Variants in ASIC2 observed in about 807,000 individuals in gnomAD.
ASIC2 encodes acid-sensing ion channel 2.
A neutral mutation model predicts 57.3 loss-of-function variants in ASIC2; 25 were observed. The ratio of observed to expected loss-of-function variants is 0.44; its 90% CI spans 0.32 to 0.61. The LOEUF (loss-of-function observed/expected upper bound fraction) is 0.61. Among genes scored for constraint, ASIC2 ranks in the 20% least tolerant of loss-of-function variants. The probability of loss-of-function intolerance (pLI) is 0.06; values close to 1 mark genes in which losing one functional copy is unlikely to be tolerated. For missense variants in ASIC2, 641 were observed against 738.1 expected (o/e 0.87, Z 1.52); for synonymous variants, 319 against 307.5 (o/e 1.04, Z -0.39).
intron 1 of ASIC2, among the ~76,000 whole-genome samples, chr17:33,127,045 A>T (rs2092326304): frequency 6.7e-6 from 1 of 149,104 alleles, no homozygotes; most frequent in African/African-American, 2.5e-5. Context: ...TTTTTTTTGT[A>T]TTTTTAGTAG....
intron 1 of ASIC2, among the ~76,000 whole-genome samples, chr17:33,929,602 C>T (rs1275507719): frequency 6.6e-6 from 1 of 152,158 alleles, no homozygotes; most frequent in Non-Finnish European, 1.5e-5. Flanking sequence ...GCAGGGTCAG[C>T]CCAGTATTCT....
chr17:33,026,021 G>A (rs1238425035), intron 4 of ASIC2, 39 bp from the exon 5 acceptor site: 2 of 1,605,126 alleles, frequency 1.2e-6, no homozygotes, highest in Non-Finnish European at 8.5e-7. Flanking sequence ...ACTCAGGCAG[G>A]AACATTCATG....
intron 1 of ASIC2, chr17:34,038,936 G>C (rs967750182): frequency 6.8e-6 from 11 of 1,612,586 alleles, no homozygotes; most frequent in East Asian, 6.7e-5. Context: ...ATAACCATCT[G>C]TCCACTGCTC....
chr17:34,039,667 G>C, intron 1 of ASIC2: 2 of 1,612,522 alleles, frequency 1.2e-6, no homozygotes, highest in Non-Finnish European at 1.7e-6. Flanking sequence ...ACTTTCATAT[G>C]GTTCAGCTTT....
chr17:33,529,242 A>G (rs1345621260), intron 1 of ASIC2, among the ~76,000 whole-genome samples: 1 of 152,232 alleles, frequency 6.6e-6, no homozygotes, highest in East Asian at 1.9e-4. Context: ...AGCTTTTAAA[A>G]TACAGTGATG....
chr17:33,521,245 G>A (rs1597763016), intron 1 of ASIC2, among the ~76,000 whole-genome samples: 1 of 152,122 alleles, frequency 6.6e-6, no homozygotes, highest in Admixed American at 6.5e-5. Context: ...CAACACTGTC[G>A]TCGGCCAAGG....
intron 1 of ASIC2, among the ~76,000 whole-genome samples, chr17:33,164,726 A>T (rs1905259751): frequency 6.6e-6 from 1 of 152,202 alleles, no homozygotes; most frequent in South Asian, 2.1e-4. Context: ...CTTGTCAAGA[A>T]TTCCTTGGAG....
intron 1 of ASIC2, among the ~76,000 whole-genome samples, chr17:33,831,596 A>C (rs1236836242): frequency 6.6e-6 from 1 of 152,176 alleles, no homozygotes; most frequent in Non-Finnish European, 1.5e-5. Flanking sequence ...AAAAAAAAAA[A>C]AAATAGAGTC....
chr17:33,487,295 C>A (rs1913604861), intron 1 of ASIC2, among the ~76,000 whole-genome samples: 1 of 152,148 alleles, frequency 6.6e-6, no homozygotes, highest in Non-Finnish European at 1.5e-5. Flanking sequence ...CTGTTATATC[C>A]CAGCAAGGTG....
intron 1 of ASIC2, among the ~76,000 whole-genome samples, chr17:33,444,972 T>C (rs966693649): frequency 2.6e-5 from 4 of 152,242 alleles, no homozygotes; most frequent in Non-Finnish European, 5.9e-5. Flanking sequence ...GCTTTCCTGC[T>C]ACATGGACAG....
Position 33,355,888 on chromosome 17 carries a change from C to T in ASIC2, c.556-243821G>A, listed in dbSNP as rs542529592. Among the ~76,000 whole-genome samples, 56 of 152,210 alleles carry T rather than the reference C, an allele frequency of 3.7e-4. No individual in the cohort carries two copies. The South Asian group carries it at 6.2e-3, about 17-fold the overall frequency. On this transcript the variant is annotated intron_variant, in intron 1 of 9. Transcript: ENST00000359872. ...GCTTAAAGTGTAAGGGGAATTGAGACAGTATAATCAGTACTGAAGTAGGAA... is the reference window on the plus strand; with the variant it reads ...GCTTAAAGTGTAAGGGGAATTGAGATAGTATAATCAGTACTGAAGTAGGAA...
intron 1 of ASIC2, chr17:34,038,539 A>C: frequency 1.2e-6 from 2 of 1,610,510 alleles, no homozygotes; most frequent in South Asian, 2.2e-5. Context: ...CTCTACCCAA[A>C]AGATGTAACA....
intron 1 of ASIC2, among the ~76,000 whole-genome samples, chr17:34,141,876 G>T (rs911539919): frequency 1.3e-5 from 2 of 152,282 alleles, no homozygotes; most frequent in South Asian, 4.1e-4. Context: ...CATTGCTCTG[G>T]GGGGAACAAT....
At chr17:33,083,484 T>A (rs1330443849) in intron 3 of ASIC2, among the ~76,000 whole-genome samples, 1 of 152,246 alleles carries the variant, frequency 6.6e-6, no homozygotes, top group Non-Finnish European at 1.5e-5. Context: ...GAATATTTGC[T>A]GAGGGAATAA....
chr17:33,463,069 T>G (rs1176057214), intron 1 of ASIC2, among the ~76,000 whole-genome samples: 2 of 152,244 alleles, frequency 1.3e-5, no homozygotes, highest in African/African-American at 4.8e-5. Context: ...TGAGATTTTC[T>G]AAGACGCAGT....
chr17:33,781,130 C>G (rs1453023327), intron 1 of ASIC2, among the ~76,000 whole-genome samples: 1 of 152,142 alleles, frequency 6.6e-6, no homozygotes, highest in East Asian at 1.9e-4. Flanking sequence ...GTTCCCTTAT[C>G]CTAAACCTTT....
intron 1 of ASIC2, among the ~76,000 whole-genome samples, chr17:33,229,836 C>G (rs1384115568): frequency 6.6e-6 from 1 of 152,210 alleles, no homozygotes; most frequent in Non-Finnish European, 1.5e-5. Context: ...CTTTCCAGCC[C>G]TGGCTGCTCC....
At chr17:33,760,859 C>G (rs1422262801) in intron 1 of ASIC2, among the ~76,000 whole-genome samples, 6 of 152,080 alleles carry the variant, frequency 3.9e-5, no homozygotes, top group Admixed American at 2.0e-4. Flanking sequence ...GGTCCTGTCC[C>G]CAGGCCCTGA....
In ASIC2 at chr17:33,291,902, T is replaced by G. The variant is rs762551469; in HGVS notation, c.214A>C (p.Met72Leu). The change falls in exon 1 of 10, where the codon ATG (methionine) becomes CTG (leucine). Residue 72 changes from methionine (M) to leucine (L), a missense_variant. Physicochemically the swap from Met to Leu is conservative, Grantham distance 15. Transcript: ENST00000225823. ...SRAKLHGLRH[M>L]CAGRTAAGGS... Reference sequence around the variant, plus strand: ...CCAGCCGCCGTGCGCCCGGCACACATGTGCCGCAGCCCGTGCAGTTTAGCG... The same window carrying G: ...CCAGCCGCCGTGCGCCCGGCACACAGGTGCCGCAGCCCGTGCAGTTTAGCG... 1.3e-6 allele frequency: 2 copies of G among 1,599,148 alleles called. No individual in the cohort carries two copies. Among genetic ancestry groups the G allele is most frequent in the Admixed American group, 3.4e-5 (2 of 59,294 alleles).
Sources: gnomAD v4.1 joint callset for allele counts (sites outside exome capture counted in the v4.1 genomes callset) on GRCh38, gnomAD v4.1.1 for gene constraint, MANE v1.5 for transcripts, NCBI Gene and HGNC (gene_info 2026-07-23, HGNC 2026-07-21) for gene names.